Variants in PCDHA7 observed in about 807,000 individuals in gnomAD.
PCDHA7 encodes the protein protocadherin alpha-7.
A neutral mutation model predicts 57.2 loss-of-function variants in PCDHA7; 37 were observed. The ratio of observed to expected loss-of-function variants is 0.65; its 90% CI spans 0.50 to 0.85. PCDHA7 has a LOEUF of 0.85. PCDHA7 is among the 40% of genes least tolerant of loss of function. The probability of loss-of-function intolerance (pLI) is 0.00; values close to 1 mark genes in which losing one functional copy is unlikely to be tolerated. For missense variants in PCDHA7, 1,188 were observed against 1,241.8 expected, an observed-to-expected ratio of 0.96 and a Z score of 0.65; for synonymous variants, 553 against 558.8, an observed-to-expected ratio of 0.99 and a Z score of 0.15.
rs782676713 is a variant in PCDHA7 at position 140,968,215 on chromosome 5, G to A, written c.2356-10734G>A. 3 of 1,613,862 alleles carry A rather than the reference G, an allele frequency of 1.9e-6. 1 individual carries two copies. The highest frequency in any genetic ancestry group is 2.5e-6 in the Non-Finnish European group (3 of 1,180,046). On this transcript the variant is annotated intron_variant, in intron 1 of 3. Transcript: ENST00000525929. ...CCATCTACATACAGGAGAACAATTT[G>A]CCAGGTGTGTTGCTCTGTACTGTGC... is the stretch of plus-strand genomic sequence containing the variant.
intron 1 of PCDHA7, among the ~76,000 whole-genome samples, chr5:140,919,193 T>C (rs1444043948): frequency 6.6e-6 from 1 of 152,262 alleles, no homozygotes; most frequent in African/African-American, 2.4e-5. Flanking sequence ...ATTGGTCCTT[T>C]TGTCATTATA....
chr5:140,983,704 A>T (rs1364816662), intron 3 of PCDHA7, among the ~76,000 whole-genome samples: 3 of 152,226 alleles, frequency 2.0e-5, no homozygotes, highest in Non-Finnish European at 4.4e-5. Flanking sequence ...AAATCCAAGT[A>T]TATCTAGCAC....
At chr5:140,998,014 C>T (rs1554256135) in intron 3 of PCDHA7, among the ~76,000 whole-genome samples, 1 of 152,162 alleles carries the variant, frequency 6.6e-6, no homozygotes, top group Non-Finnish European at 1.5e-5. Context: ...TCCATCCCCA[C>T]CTCGAGCTAG....
intron 3 of PCDHA7, chr5:140,989,066 C>T (rs2097328502): frequency 6.6e-6 from 1 of 152,200 alleles, no homozygotes; most frequent in South Asian, 2.1e-4. Flanking sequence ...TGAGGCAATA[C>T]AGTCTGGCCT....
At chr5:140,906,961 T>C (rs143429690) in intron 1 of PCDHA7, among the ~76,000 whole-genome samples, 1 of 152,268 alleles carries the variant, frequency 6.6e-6, no homozygotes, top group African/African-American at 2.4e-5. Flanking sequence ...TTTAATGGAA[T>C]CGTGGTTGTG....
chr5:140,861,110 T>C (rs2046757682), intron 1 of PCDHA7: 1 of 152,560 alleles, frequency 6.6e-6, no homozygotes, highest in Non-Finnish European at 1.5e-5. Flanking sequence ...CTTTAAAAAC[T>C]ACAAACACCC....
At chr5:140,927,303 G>A (rs1554204320) in intron 1 of PCDHA7, 69 of 1,614,150 alleles carry the variant, frequency 4.3e-5, no homozygotes, top group Non-Finnish European at 5.7e-5. Context: ...CCGAGTTCCT[G>A]ACGCCCGGAG....
At chr5:140,848,601 CCG>C (rs2040496179) in intron 1 of PCDHA7, 1 of 1,593,502 alleles carries the variant, frequency 6.3e-7, no homozygotes, top group Non-Finnish European at 8.6e-7. Flanking sequence ...CTACTCCGTC[CCG>C]GAGGAAGCCG....
chr5:140,957,188 C>A (rs374236292), intron 1 of PCDHA7, among the ~76,000 whole-genome samples: 1 of 151,992 alleles, frequency 6.6e-6, no homozygotes, highest in Middle Eastern at 3.4e-3. Flanking sequence ...TATTGATGAC[C>A]GATTGGGAAT....
At chr5:140,924,903 AAATAAAATAAAATAAAAT>A (rs2082154741) in intron 1 of PCDHA7, among the ~76,000 whole-genome samples, 1 of 54,856 alleles carries the variant, frequency 1.8e-5, no homozygotes, top group Non-Finnish European at 3.6e-5. Flanking sequence ...TCAAAAAAAA[AAATAAAATAAAATAAAAT>A]AAAATAAAAT....
At chr5:140,870,702 G>A in intron 1 of PCDHA7, 2 of 1,613,072 alleles carry the variant, frequency 1.2e-6, no homozygotes, top group African/African-American at 1.3e-5. Context: ...TACAGTTCCA[G>A]GTGAGCGCGC....
intron 1 of PCDHA7, chr5:140,864,834 A>T (rs2048619369): frequency 6.6e-6 from 1 of 152,166 alleles, no homozygotes; most frequent in African/African-American, 2.4e-5. Context: ...TTTAAGTATA[A>T]GAGAGTCTTC....
chr5:140,952,028 T>C (rs2094677235), intron 1 of PCDHA7, among the ~76,000 whole-genome samples: 1 of 152,164 alleles, frequency 6.6e-6, no homozygotes, highest in Non-Finnish European at 1.5e-5. Flanking sequence ...AAGTCCGAAA[T>C]CCAGTAGGGC....
At chr5:140,858,360 GC>G (rs1562537531) in intron 1 of PCDHA7, 1 of 1,592,532 alleles carries the variant, frequency 6.3e-7, no homozygotes. Context: ...ATGGCCTTCA[GC>G]CCCAGCCTTC....
Position 140,848,471 on chromosome 5 carries a change from A to C in PCDHA7, c.2355+11733A>C, listed in dbSNP as rs1410675725. 39 of 1,555,188 alleles carry C rather than the reference A, an allele frequency of 2.5e-5. 4 individuals carry two copies. Among genetic ancestry groups the C allele is most frequent in the Non-Finnish European group, 3.2e-5 (37 of 1,144,100 alleles). On this transcript the variant is annotated intron_variant, in intron 1 of 3. Transcript: ENST00000525929. ...TCTAATTTGGAGGCAATTTTCACTA[A>C]TTAGAAGAAGACTGAGTATTTGAAA...
intron 1 of PCDHA7, among the ~76,000 whole-genome samples, chr5:140,923,382 G>A (rs1554201427): frequency 6.6e-6 from 1 of 152,114 alleles, no homozygotes; most frequent in Non-Finnish European, 1.5e-5. Context: ...TTAAAAATTA[G>A]TTGGGCATGG....
At chr5:140,871,302 G>A in intron 1 of PCDHA7, 1 of 1,613,972 alleles carries the variant, frequency 6.2e-7, no homozygotes, top group Non-Finnish European at 8.5e-7. Context: ...CGTGCGCGCC[G>A]GGGAAGCCCA....
At chr5:140,850,125 C>T (rs2041366317) in intron 1 of PCDHA7, 1 of 1,596,002 alleles carries the variant, frequency 6.3e-7, no homozygotes, top group Non-Finnish European at 8.6e-7. Context: ...GGGCGTGCCG[C>T]CTCTGGGCAG....
Position 140,926,837 on chromosome 5 carries a change from G to A in PCDHA7, c.2356-52112G>A, listed in dbSNP as rs1170899993. 11 of 1,513,410 alleles carry A rather than the reference G, an allele frequency of 7.3e-6. No individual in the cohort carries two copies. In the African/African-American group the frequency reaches 1.4e-4, roughly 19 times the overall value. 93.7% of individuals were successfully genotyped at this position (1,513,410 alleles called of 1,614,324 possible). ...GTGCTCTCCAGGAGTCCGGAGCATG[G>A]TCCTGGGTCACCGTTGGTGTAGCGT... On this transcript the variant is annotated intron_variant, in intron 1 of 3. Coordinates refer to ENST00000525929, the MANE Select transcript of PCDHA7 (RefSeq NM_018910.3).
Sources: gnomAD v4.1 joint callset for allele counts (sites outside exome capture counted in the v4.1 genomes callset) on GRCh38, gnomAD v4.1.1 for gene constraint, MANE v1.5 for transcripts, NCBI Gene and HGNC (gene_info 2026-07-23, HGNC 2026-07-21) for gene names.